The following GPD2 variants were observed in gnomAD, a reference collection of about 807,000 sequenced individuals.
GPD2 encodes glycerol-3-phosphate dehydrogenase 2, also known as glycerol-3-phosphate dehydrogenase, mitochondrial.
Under a neutral mutation model 82.4 loss-of-function variants are expected in GPD2, and 54 were observed. That is an observed-to-expected ratio of 0.66 (90% CI 0.53 to 0.82). The LOEUF is 0.82. Among genes scored for constraint, GPD2 ranks in the 40% least tolerant of loss-of-function variants. GPD2 has a pLI of 0.00. For missense variants in GPD2, 748 were observed against 896.2 expected (o/e 0.83, Z 2.11); for synonymous variants, 288 against 306.1 (o/e 0.94, Z 0.62).
chr2:156,500,207 A>G (rs1315214702), intron 3 of GPD2, among the ~76,000 whole-genome samples: 2 of 152,170 alleles, frequency 1.3e-5, no homozygotes, highest in African/African-American at 2.4e-5. Flanking sequence ...TATTTTATAT[A>G]TGTGGAATTA....
chr2:156,425,973 A>G, the GPD2 span, among the ~76,000 whole-genome samples: 8 of 144,624 alleles, frequency 5.5e-5, no homozygotes, highest in Admixed American at 5.7e-4. Context: ...CCCAGGCTGG[A>G]GTGCAGTGGC....
intron 1 of GPD2, among the ~76,000 whole-genome samples, chr2:156,471,600 T>G (rs912130947): frequency 2.6e-5 from 4 of 152,204 alleles, no homozygotes; most frequent in Non-Finnish European, 1.5e-5. Flanking sequence ...ATTGTCTTTC[T>G]CTATAACGTT....
chr2:156,517,539 C>T (rs1685245099), intron 6 of GPD2, among the ~76,000 whole-genome samples: 1 of 152,170 alleles, frequency 6.6e-6, no homozygotes, highest in Non-Finnish European at 1.5e-5. Context: ...GGTTTTCTGA[C>T]TGAGACATGT....
chr2:156,579,082 C>G lies in GPD2; in HGVS notation c.1881-4C>G, dbSNP rs756537794. 2.5e-6 allele frequency: 4 copies of G among 1,592,582 alleles called. No homozygotes were observed. Among genetic ancestry groups the G allele is most frequent in the Non-Finnish European group, 3.4e-6 (4 of 1,161,124 alleles). On this transcript the variant is annotated splice_region_variant and splice_polypyrimidine_tract_variant and intron_variant, in intron 14 of 16. Coordinates refer to ENST00000438166, the MANE Select transcript of GPD2 (RefSeq NM_000408.5). ...TTTTTCCATTATTTAATCTTGTGTT[C>G]CAGGTATAAGAAGAGATTTCATAAG...
chr2:156,459,022 TATATAC>T (rs899792085), intron 1 of GPD2, among the ~76,000 whole-genome samples: 2 of 123,728 alleles, frequency 1.6e-5, no homozygotes, highest in East Asian at 2.6e-4. Context: ...TATATATATA[TATATAC>T]ACACACACAA....
chr2:156,459,458 G>A (rs1682905813), intron 1 of GPD2, among the ~76,000 whole-genome samples: 1 of 151,940 alleles, frequency 6.6e-6, no homozygotes, highest in Non-Finnish European at 1.5e-5. Context: ...AGGCTGAGGT[G>A]GGTGGATCAC....
chr2:156,454,982 C>T (rs1558906865), intron 1 of GPD2, among the ~76,000 whole-genome samples: 1 of 151,972 alleles, frequency 6.6e-6, no homozygotes, highest in Non-Finnish European at 1.5e-5. Flanking sequence ...ATGAGGTGCT[C>T]TTAGGGCCTC....
chr2:156,412,569 G>C, the GPD2 span, among the ~76,000 whole-genome samples: 1 of 152,144 alleles, frequency 6.6e-6, no homozygotes, highest in African/African-American at 2.4e-5. Flanking sequence ...GGTAAAAAGG[G>C]CATACAATTG....
intron 9 of GPD2, 75 bp downstream of exon 9, chr2:156,557,657 T>C: frequency 1.2e-6 from 1 of 853,062 alleles, no homozygotes; most frequent in Non-Finnish European, 2.0e-6. Context: ...ACTGGATAAA[T>C]GCTATGTCTC....
rs564496646 is a variant in GPD2, at chr2:156,552,565, T to A, written c.971+1819T>A. 2.6e-5 allele frequency among the ~76,000 whole-genome samples: 4 copies of A among 152,334 alleles called. No individual in the cohort carries two copies. In the South Asian group the frequency reaches 8.3e-4, roughly 32 times the overall value. On this transcript the variant is annotated intron_variant, in intron 8 of 16. Coordinates refer to ENST00000438166, the MANE Select transcript of GPD2 (RefSeq NM_000408.5). ...TATATTTGTTTAGCTTTTACTAGAT[T>A]CAACATATTCTCATGTGTTGTGTGC...
At chr2:156,497,920 T>C (rs557204924) in intron 3 of GPD2, among the ~76,000 whole-genome samples, 18 of 152,276 alleles carry the variant, frequency 1.2e-4, no homozygotes, top group African/African-American at 4.1e-4. Flanking sequence ...TTTTTGAGAA[T>C]AGATAATTTG....
chr2:156,440,425 A>G (rs1035599041), intron 1 of GPD2, among the ~76,000 whole-genome samples: 2 of 152,240 alleles, frequency 1.3e-5, no homozygotes, highest in African/African-American at 4.8e-5. Context: ...GGATGTTTAG[A>G]TAATGATTGT....
At chr2:156,553,879 T>C (rs1374798058) in intron 8 of GPD2, among the ~76,000 whole-genome samples, 1 of 152,202 alleles carries the variant, frequency 6.6e-6, no homozygotes, top group Non-Finnish European at 1.5e-5. Flanking sequence ...TCCTGAAGCA[T>C]GAAGGTGTTA....
intron 3 of GPD2, among the ~76,000 whole-genome samples, chr2:156,508,120 G>A (rs1684852989): frequency 6.6e-6 from 1 of 152,074 alleles, no homozygotes; most frequent in African/African-American, 2.4e-5. Flanking sequence ...GCCAGTTTCA[G>A]TAAGTCAGGA....
At chr2:156,465,460 C>G (rs1453602040) in intron 1 of GPD2, among the ~76,000 whole-genome samples, 1 of 149,424 alleles carries the variant, frequency 6.7e-6, no homozygotes, top group African/African-American at 2.5e-5. Flanking sequence ...TTCCTGGGTT[C>G]AAACAATCCT....
At chr2:156,418,956 G>A in the GPD2 span, among the ~76,000 whole-genome samples, 6 of 152,004 alleles carry the variant, frequency 3.9e-5, no homozygotes, top group Admixed American at 1.3e-4. Context: ...AGAGACTGTG[G>A]GGTGTGAAGT....
chr2:156,575,936 T>G (rs139095786), intron 13 of GPD2, among the ~76,000 whole-genome samples: 190 of 152,364 alleles, frequency 1.2e-3, no homozygotes, highest in African/African-American at 4.2e-3. Flanking sequence ...GTTGATGGCA[T>G]GCATCTTTGA....
At chr2:156,477,251 T>C (rs1325912313) in intron 2 of GPD2, among the ~76,000 whole-genome samples, 1 of 152,094 alleles carries the variant, frequency 6.6e-6, no homozygotes, top group African/African-American at 2.4e-5. Context: ...GACAATATGG[T>C]GAAACCCTGT....
chr2:156,550,613 G>C lies in GPD2; in HGVS notation c.838G>C (p.Asp280His). 6.2e-7 allele frequency: 1 copy of C among 1,614,096 alleles called. No homozygotes were observed. Among genetic ancestry groups the C allele is most frequent in the Non-Finnish European group, 8.5e-7 (1 of 1,179,936 alleles). ...ACTTTCTTTCACAGGGCAGGAATTT[G>C]ACGTGAGAGCCAAATGTGTTATCAA... ...CKDVLTGQEFDVRAKCVINAT... is the reference protein window; with the variant it reads ...CKDVLTGQEFHVRAKCVINAT... Residue 280 changes from aspartate to histidine, a missense_variant, in exon 8 of 17, where the codon GAC (aspartate) becomes CAC (histidine). By Grantham distance (81) the Asp-to-His change is moderately conservative. Around this residue, in one of 3 missense-constraint regions of GPD2, gnomAD observed 692 missense variants for 809.7 expected, o/e 0.85. Transcript: ENST00000438166.
Sources: gnomAD v4.1 joint callset for allele counts (sites outside exome capture counted in the v4.1 genomes callset) on GRCh38, gnomAD v4.1.1 for gene constraint, gnomAD v4.1.1 regional missense constraint, MANE v1.5 for transcripts, NCBI Gene and HGNC (gene_info 2026-07-23, HGNC 2026-07-21) for gene names.